VPS26B: variants seen among roughly 807,000 people sequenced by gnomAD.
The protein encoded by VPS26B is VPS26 retromer complex component B, also known as vacuolar protein sorting-associated protein 26B.
A neutral mutation model predicts 33.3 loss-of-function variants in VPS26B; 10 were observed. The observed-to-expected ratio is 0.30, with a 90% CI of 0.19 to 0.51. VPS26B has a LOEUF of 0.51. Among genes scored for constraint, VPS26B ranks in the 20% least tolerant of loss-of-function variants. The pLI, the probability that VPS26B is intolerant of heterozygous loss-of-function variation, is 0.98. For synonymous variants in VPS26B, 190 were observed against 176.9 expected (o/e 1.07, Z -0.59); for missense variants, 317 against 452.7 (o/e 0.70, Z 2.72).
chr11:134,234,420 G>A (rs1255893170), intron 1 of VPS26B, among the ~76,000 whole-genome samples: 1 of 152,204 alleles, frequency 6.6e-6, no homozygotes, highest in Non-Finnish European at 1.5e-5. Context: ...CCAGCTCTGC[G>A]ACTCCAGGCC....
In VPS26B at chr11:134,245,542, T is replaced by G; in HGVS notation, c.963T>G (p.Gly321=). The change falls in exon 6 of 6, where the codon GGT becomes GGG. Residue 321 remains glycine (G), a synonymous_variant. Transcript: ENST00000281187. This position sits in a 1 kb window ranked among gnomAD's most constrained non-coding sequence, Gnocchi z 4.7. The part of the protein sequence containing the change: ...SQRFEGTTSL[G]EVRTPSQLSD... The stretch of plus-strand genomic sequence containing the variant: ...GCTTTGAGGGCACCACCTCCCTGGG[T>G]GAGGTGCGGACCCCCAGCCAGCTGT... The G allele has an allele frequency of 6.2e-7, 1 of 1,613,370 alleles. No individual in the cohort carries two copies. Among genetic ancestry groups the G allele is most frequent in the Non-Finnish European group, 8.5e-7 (1 of 1,179,954 alleles).
chr11:134,237,672 G>A (rs1014840117), intron 2 of VPS26B, among the ~76,000 whole-genome samples: 1 of 152,158 alleles, frequency 6.6e-6, no homozygotes, highest in Non-Finnish European at 1.5e-5. Flanking sequence ...TCAGGGCAGC[G>A]CCTCTGTGGA....
At chr11:134,232,129 A>G (rs1938563472) in intron 1 of VPS26B, among the ~76,000 whole-genome samples, 1 of 149,704 alleles carries the variant, frequency 6.7e-6, no homozygotes, top group Non-Finnish European at 1.5e-5. Context: ...AGTTACCTTA[A>G]CCAAAAACTT....
chr11:134,227,066 C>G (rs1301218695), intron 1 of VPS26B, among the ~76,000 whole-genome samples: 1 of 152,132 alleles, frequency 6.6e-6, no homozygotes, highest in Admixed American at 6.5e-5. Flanking sequence ...TGTCTGGCAT[C>G]GTTTGGCATG....
Position 134,225,039 on chromosome 11 carries a change from C to T in VPS26B, c.-84C>T, listed in dbSNP as rs569232331. 3.6e-6 allele frequency: 5 copies of T among 1,370,136 alleles called. No individual in the cohort carries two copies. In the East Asian group the frequency reaches 1.1e-4, roughly 29 times the overall value. 84.9% of individuals were successfully genotyped at this position (1,370,136 alleles called of 1,614,324 possible). ...GGCCGAGCGCGCTCGCGCATCGGGC[C>T]CTCTGGCCTTCTTTACCTAGGGCAG... On this transcript the variant is annotated 5_prime_UTR_variant, in exon 1 of 6. Coordinates refer to ENST00000281187, the MANE Select transcript of VPS26B (RefSeq NM_052875.5).
rs1938775214 is a variant in VPS26B, at chr11:134,244,179, A to AT, written c.722-754dup. 6.6e-6 allele frequency: 1 copy of AT among 152,202 alleles called. No homozygotes were observed. Among genetic ancestry groups the AT allele is most frequent in the African/African-American group, 2.4e-5 (1 of 41,442 alleles). The allele number at this position is 152,202 out of a possible 1,614,324, so 9.4% of individuals were successfully genotyped here. ...GGCTGTGCAAATAGAGCCAGCTGTC[A>AT]TTTTTCCTGTACAAATGAAATGGGT... On this transcript the variant is annotated intron_variant, in intron 4 of 5. Transcript: ENST00000281187. This position sits in a 1 kb window ranked among gnomAD's most constrained non-coding sequence, Gnocchi z 4.0.
intron 1 of VPS26B, among the ~76,000 whole-genome samples, chr11:134,233,850 G>A (rs374988212): frequency 2.0e-5 from 3 of 152,338 alleles, no homozygotes; most frequent in Admixed American, 6.5e-5. Flanking sequence ...GACCAGGTAT[G>A]TAGCAAAACT....
Position 134,240,039 on chromosome 11 carries a change from A to C in VPS26B, c.429A>C (p.Lys143Asn), listed in dbSNP as rs1343676735. The C allele has an allele frequency of 6.2e-7, 1 of 1,614,222 alleles. No individual in the cohort carries two copies. Among genetic ancestry groups the C allele is most frequent in the Non-Finnish European group, 8.5e-7 (1 of 1,180,042 alleles). The change falls in exon 3 of 6, where the codon AAA becomes AAC. Residue 143 changes from lysine to asparagine, a missense_variant. By Grantham distance (94) the Lys-to-Asn change is moderately conservative (BLOSUM62 0). Transcript: ENST00000281187. The surrounding 1 kb of genome is among the most constrained non-coding windows in gnomAD (Gnocchi z 4.4). Reference protein sequence around the residue: ...TISRRLNDVVKEMDIVVHTLS... With the variant: ...TISRRLNDVVNEMDIVVHTLS... Reference sequence around the variant, plus strand: ...GCCGCCGCCTCAATGATGTTGTCAAAGAGATGGACATTGTAGTTCACACAC... The same window carrying C: ...GCCGCCGCCTCAATGATGTTGTCAACGAGATGGACATTGTAGTTCACACAC...
At position 134,245,840 on chromosome 11, in the gene VPS26B, C is replaced by G. The variant is rs1938806943; in HGVS notation, c.*250C>G. 6.1e-6 allele frequency: 3 copies of G among 493,966 alleles called. 1 individual carries two copies. The South Asian group carries it at 9.1e-5, about 15-fold the overall frequency. The allele number at this position is 493,966 out of a possible 1,614,324, so 30.6% of individuals were successfully genotyped here. On this transcript the variant is annotated 3_prime_UTR_variant, in exon 6 of 6. Coordinates refer to ENST00000281187, the MANE Select transcript of VPS26B (RefSeq NM_052875.5). The surrounding 1 kb of genome is among the most constrained non-coding windows in gnomAD (Gnocchi z 4.7). The stretch of plus-strand genomic sequence containing the variant: ...GGTAGCATCCTGGAAGCCAGCCTCT[C>G]TGGGGAACATGAGCCCCCTTCCTCG...
chr11:134,233,833 C>T (rs936822454), intron 1 of VPS26B, among the ~76,000 whole-genome samples: 16 of 152,070 alleles, frequency 1.1e-4, no homozygotes, highest in East Asian at 5.8e-4. Context: ...ACAGTGGGAG[C>T]GGGGGAGACC....
At chr11:134,227,435 A>G (rs1466873703) in intron 1 of VPS26B, among the ~76,000 whole-genome samples, 1 of 152,224 alleles carries the variant, frequency 6.6e-6, no homozygotes, top group Admixed American at 6.5e-5. Context: ...AAGATAACCC[A>G]GAATGTCTTC....
At chr11:134,231,474 A>G (rs1938554078) in intron 1 of VPS26B, among the ~76,000 whole-genome samples, 1 of 152,072 alleles carries the variant, frequency 6.6e-6, no homozygotes. Context: ...GGGTTGGCAG[A>G]CAGGAGTAGG....
chr11:134,234,841 C>T (rs1029790998), intron 1 of VPS26B, 56 bp from the exon 2 acceptor site: 17 of 1,583,814 alleles, frequency 1.1e-5, no homozygotes, highest in African/African-American at 4.0e-5. Flanking sequence ...CCCTACTCGG[C>T]CCGGTGTAGC....
chr11:134,241,624 C>G (rs1311303485), intron 3 of VPS26B, among the ~76,000 whole-genome samples: 6 of 152,242 alleles, frequency 3.9e-5, no homozygotes, highest in Non-Finnish European at 8.8e-5. Flanking sequence ...AAGGCAGAGG[C>G]CAGCAGCTGT....
Position 134,240,180 on chromosome 11 carries a change from T to C in VPS26B, c.545+25T>C. On this transcript the variant is annotated intron_variant, in intron 3 of 5. Coordinates refer to ENST00000281187, the MANE Select transcript of VPS26B (RefSeq NM_052875.5). This position sits in a 1 kb window ranked among gnomAD's most constrained non-coding sequence, Gnocchi z 4.4. ...AGTAAGTGTCTCAGTGCCAAGGTTG[T>C]GAAATGATTATTTAAGGAGGTTAAG... The C allele has an allele frequency of 6.2e-7, 1 of 1,613,190 alleles. No homozygotes were observed. Among genetic ancestry groups the C allele is most frequent in the Non-Finnish European group, 8.5e-7 (1 of 1,179,326 alleles).
rs915367512 is a variant in VPS26B, at chr11:134,244,803, G to T, written c.722-135G>T. 8.0e-7 allele frequency: 1 copy of T among 1,249,190 alleles called. No homozygotes were observed. Among genetic ancestry groups the T allele is most frequent in the Non-Finnish European group, 1.1e-6 (1 of 930,136 alleles). The allele number at this position is 1,249,190 out of a possible 1,614,324, so 77.4% of individuals were successfully genotyped here. A position where few individuals can be genotyped will look rare whatever the true frequency, so the allele number is the denominator to read the frequency against. ...TCAGCCACCTGCTGGGCAGCAGAGC[G>T]ACTGCACCTTCCCAGAAGGCTGAAG... On this transcript the variant is annotated intron_variant, in intron 4 of 5. Transcript: ENST00000281187. The surrounding 1 kb of genome is among the most constrained non-coding windows in gnomAD (Gnocchi z 4.0).
At chr11:134,232,347 C>T (rs903700752) in intron 1 of VPS26B, among the ~76,000 whole-genome samples, 1 of 152,204 alleles carries the variant, frequency 6.6e-6, no homozygotes, top group African/African-American at 2.4e-5. Context: ...TAGGAAGCAT[C>T]GCTGTGTCTG....
At chr11:134,227,808 TAA>T (rs1438976740) in intron 1 of VPS26B, among the ~76,000 whole-genome samples, 165 of 152,344 alleles carry the variant, frequency 1.1e-3, no homozygotes, top group African/African-American at 3.9e-3. Flanking sequence ...GGTTCCTTTA[TAA>T]AATTATGGTA....
chr11:134,235,851 G>T (rs2136049425), intron 2 of VPS26B: 1 of 152,300 alleles, frequency 6.6e-6, no homozygotes, highest in East Asian at 1.9e-4. Flanking sequence ...GTAAACTTGA[G>T]GTTATGTGAT....
Sources: gnomAD v4.1 joint callset for allele counts (sites outside exome capture counted in the v4.1 genomes callset) on GRCh38, gnomAD v4.1.1 for gene constraint, Gnocchi (gnomAD v3.1) non-coding constraint, MANE v1.5 for transcripts, NCBI Gene and HGNC (gene_info 2026-07-23, HGNC 2026-07-21) for gene names.